The following DPP10 variants were observed in gnomAD, a reference collection of about 807,000 sequenced individuals.
DPP10 encodes the protein dipeptidyl peptidase like 10, also known as inactive dipeptidyl peptidase 10.
A neutral mutation model predicts 120.9 loss-of-function variants in DPP10; 33 were observed. The observed-to-expected ratio is 0.27, with a 90% confidence interval of 0.21 to 0.37. DPP10 has a LOEUF of 0.37. Among genes scored for constraint, DPP10 ranks in the 10% least tolerant of loss-of-function variants. DPP10 has a pLI of 1.00. For missense variants in DPP10, 816 were observed against 942.8 expected, an observed-to-expected ratio of 0.87 and a Z score of 1.76; for synonymous variants, 337 against 326.1, an observed-to-expected ratio of 1.03 and a Z score of -0.36.
chr2:115,208,669 A>T (rs1301192850), intron 1 of DPP10, among the ~76,000 whole-genome samples: 1 of 151,936 alleles, frequency 6.6e-6, no homozygotes, highest in Admixed American at 6.6e-5. Context: ...GGTGAATAAT[A>T]TGTGGAAAAC....
At chr2:115,729,866 A>G (rs1243305954) in intron 8 of DPP10, among the ~76,000 whole-genome samples, 1 of 152,146 alleles carries the variant, frequency 6.6e-6, no homozygotes, top group Non-Finnish European at 1.5e-5. Flanking sequence ...AGTGTTACGC[A>G]TGAGAAGAAA....
Position 114,860,198 on chromosome 2 carries a change from G to A in DPP10, c.60+417360G>A, listed in dbSNP as rs187404696. 1.7e-4 allele frequency among the ~76,000 whole-genome samples: 26 copies of A among 152,234 alleles called. No individual in the cohort carries two copies. In the East Asian group the frequency reaches 5.0e-3, roughly 29 times the overall value. On this transcript the variant is annotated intron_variant, in intron 1 of 25. Transcript: ENST00000410059. ...TTTTCATTTCATTAAGATTAAATGT[G>A]GGCTCTATCTATCTTAGTCACTTTC... is the stretch of plus-strand genomic sequence containing the variant.
chr2:114,496,620 G>T (rs1382832796), intron 1 of DPP10, among the ~76,000 whole-genome samples: 4 of 151,850 alleles, frequency 2.6e-5, no homozygotes, highest in Non-Finnish European at 4.4e-5. Flanking sequence ...CCTCCCAAAG[G>T]CCCCACCTCC....
intron 5 of DPP10, among the ~76,000 whole-genome samples, chr2:115,557,516 T>C (rs1341708705): frequency 6.6e-6 from 1 of 152,214 alleles, no homozygotes; most frequent in Non-Finnish European, 1.5e-5. Flanking sequence ...CAGAGTCTTT[T>C]CTATTGCCTT....
intron 5 of DPP10, among the ~76,000 whole-genome samples, chr2:115,529,618 G>A (rs2078345445): frequency 6.6e-6 from 1 of 152,056 alleles, no homozygotes; most frequent in Non-Finnish European, 1.5e-5. Flanking sequence ...ATCTGATACA[G>A]TTTTTAAAGA....
At chr2:115,809,667 G>A (rs984095491) in intron 19 of DPP10, among the ~76,000 whole-genome samples, 1 of 151,946 alleles carries the variant, frequency 6.6e-6, no homozygotes, top group Non-Finnish European at 1.5e-5. Context: ...CCTGTTGTAG[G>A]CCTAGAAAGA....
intron 1 of DPP10, among the ~76,000 whole-genome samples, chr2:114,629,727 T>A (rs907636346): frequency 3.9e-5 from 6 of 152,206 alleles, no homozygotes; most frequent in African/African-American, 1.2e-4. Context: ...TGGACCTAAA[T>A]TCATTAAAAT....
chr2:115,343,934 C>T lies in DPP10; in HGVS notation c.271+22C>T, dbSNP rs377561384. 2.0e-5 allele frequency: 31 copies of T among 1,541,220 alleles called. No individual in the cohort carries two copies. In the African/African-American group the frequency reaches 4.0e-4, roughly 20 times the overall value. ...AATGGTAAGTGTATACCTTTTTAAACATTGTATTCATTTTGAGTTCTGTAT... is the reference window on the plus strand; with the variant it reads ...AATGGTAAGTGTATACCTTTTTAAATATTGTATTCATTTTGAGTTCTGTAT... On this transcript the variant is annotated intron_variant, in intron 3 of 25. Coordinates refer to ENST00000410059, the MANE Select transcript of DPP10 (RefSeq NM_020868.6).
chr2:115,283,860 C>T (rs770835494), intron 1 of DPP10, among the ~76,000 whole-genome samples: 17 of 151,934 alleles, frequency 1.1e-4, no homozygotes, highest in African/African-American at 1.4e-4. Context: ...GTTACAACTG[C>T]CTGTAGTATT....
intron 1 of DPP10, among the ~76,000 whole-genome samples, chr2:115,054,883 G>A (rs140918546): frequency 0.011 from 1,652 of 152,238 alleles, 32 homozygotes; most frequent in African/African-American, 0.038. Flanking sequence ...CTGCACTCCA[G>A]CCTGGGTGAC....
chr2:114,990,934 C>T (rs984877206), intron 1 of DPP10, among the ~76,000 whole-genome samples: 1 of 152,146 alleles, frequency 6.6e-6, no homozygotes, highest in African/African-American at 2.4e-5. Flanking sequence ...TAGGCTTTTA[C>T]TGGCACTTAA....
rs947655863 is a variant in DPP10, at chr2:115,659,284, G to T, written c.442-30403G>T. The stretch of plus-strand genomic sequence containing the variant: ...AAATTACCTAGTCTCAGATATTCTG[G>T]TATAGCAGCACAAGTGAACTAAGAC... On this transcript the variant is annotated intron_variant, in intron 5 of 25. Transcript: ENST00000410059. Among the ~76,000 whole-genome samples, 17 of 152,078 alleles carry T rather than the reference G, an allele frequency of 1.1e-4. 1 individual carries two copies. The highest frequency in any genetic ancestry group is 3.4e-3 in the Middle Eastern group (1 of 294).
At chr2:114,512,106 G>A (rs1007315040) in intron 1 of DPP10, among the ~76,000 whole-genome samples, 2 of 152,212 alleles carry the variant, frequency 1.3e-5, no homozygotes, top group East Asian at 3.8e-4. Context: ...GGGAAAAAGT[G>A]TAGAAATAAG....
intron 12 of DPP10, among the ~76,000 whole-genome samples, chr2:115,767,685 T>C (rs1435183169): frequency 6.6e-6 from 1 of 151,962 alleles, no homozygotes; most frequent in Non-Finnish European, 1.5e-5. Context: ...GGGGTCACAG[T>C]TGTAGGTGGG....
intron 3 of DPP10, among the ~76,000 whole-genome samples, chr2:115,420,301 T>C (rs542098695): frequency 3.0e-4 from 46 of 152,096 alleles, no homozygotes; most frequent in Non-Finnish European, 6.0e-4. Flanking sequence ...GATGAGAACT[T>C]TTTAATTTAT....
intron 1 of DPP10, among the ~76,000 whole-genome samples, chr2:114,884,353 C>T (rs1392408733): frequency 6.6e-6 from 1 of 152,208 alleles, no homozygotes; most frequent in Non-Finnish European, 1.5e-5. Context: ...ATAGGTCTCA[C>T]TGAGCTAAAA....
rs574980753 is a variant in DPP10, at chr2:115,719,170, A to G, written c.577-8646A>G. Among the ~76,000 whole-genome samples the G allele has an allele frequency of 7.2e-5, 11 of 152,292 alleles. 1 individual carries two copies. The South Asian group carries it at 2.3e-3, about 32-fold the overall frequency. On this transcript the variant is annotated intron_variant, in intron 7 of 25. Coordinates refer to ENST00000410059, the MANE Select transcript of DPP10 (RefSeq NM_020868.6). ...ATTTATTGGAGTTGGTCTTTTTGCTAACTTTTATCTGGTATCCATTTATCT... is the reference window on the plus strand; with the variant it reads ...ATTTATTGGAGTTGGTCTTTTTGCTGACTTTTATCTGGTATCCATTTATCT...
chr2:114,770,771 G>A (rs1378914007), intron 1 of DPP10, among the ~76,000 whole-genome samples: 1 of 152,098 alleles, frequency 6.6e-6, no homozygotes, highest in South Asian at 2.1e-4. Context: ...CTTGAGTCCC[G>A]CTATAGAATT....
chr2:114,567,622 T>TTGTAGTAGCAAA (rs1344235715), intron 1 of DPP10, among the ~76,000 whole-genome samples: 2 of 152,074 alleles, frequency 1.3e-5, no homozygotes, highest in Non-Finnish European at 2.9e-5. Flanking sequence ...GCTACTACAT[T>TTGTAGTAGCAAA]TGTAGTAGCA....
Sources: allele counts gnomAD v4.1 joint callset (sites outside exome capture counted in the v4.1 genomes callset), GRCh38; gene constraint gnomAD v4.1.1; transcripts MANE v1.5; gene names NCBI Gene and HGNC (gene_info 2026-07-23, HGNC 2026-07-21).